Variants in PDE4DIP observed in about 807,000 individuals in gnomAD.
PDE4DIP encodes the protein myomegalin.
Under a neutral mutation model 221.4 loss-of-function variants are expected in PDE4DIP, and 59 were observed. The observed-to-expected ratio is 0.27, with a 90% confidence interval of 0.22 to 0.33. The LOEUF (loss-of-function observed/expected upper bound fraction) is 0.33, where lower values mean the gene tolerates loss of function less well. Ranked by LOEUF, PDE4DIP falls within the 10% of genes least tolerant of loss-of-function variation. PDE4DIP has a pLI of 1.00. For missense variants in PDE4DIP, 1,036 were observed against 2,154.2 expected (o/e 0.48, Z 10.28); for synonymous variants, 404 against 815.9 (o/e 0.50, Z 8.60).
At chr1:149,031,974 C>T (rs143359447) in exon 44 of PDE4DIP, 1 of 1,609,978 alleles carries the variant, frequency 6.2e-7, no homozygotes. Flanking sequence ...GCCATGTACT[C>T]CAGCCTTGTG....
intron 21 of PDE4DIP, chr1:148,985,161 C>T (rs2061698964): frequency 6.6e-6 from 1 of 152,130 alleles, no homozygotes; most frequent in South Asian, 2.1e-4. Flanking sequence ...AGTATTTTCT[C>T]TGAGTTCTCT....
At chr1:149,010,372 G>A in intron 30 of PDE4DIP, 71 bp from the exon 34 acceptor site, 1 of 1,419,792 alleles carries the variant, frequency 7.0e-7, no homozygotes, top group African/African-American at 1.4e-5. Flanking sequence ...GTACCCCTGG[G>A]TAAACATAAG....
chr1:148,964,388 G>A (rs140139148), intron 9 of PDE4DIP, among the ~76,000 whole-genome samples: 6 of 152,158 alleles, frequency 3.9e-5, no homozygotes, highest in African/African-American at 7.2e-5. Context: ...GATTACAGGC[G>A]TGAGCCACCA....
intron 1 of PDE4DIP, among the ~76,000 whole-genome samples, chr1:148,912,162 A>T (rs1294608076): frequency 6.9e-6 from 1 of 145,416 alleles, no homozygotes; most frequent in East Asian, 1.9e-4. Flanking sequence ...CCAGTGCAGG[A>T]AGATTTGTTT....
chr1:148,924,113 A>G lies in PDE4DIP; in HGVS notation c.142-5084A>G, dbSNP rs587603619. Among the ~76,000 whole-genome samples, 4 of 152,314 alleles carry G rather than the reference A, an allele frequency of 2.6e-5. No individual in the cohort carries two copies. In the East Asian group the frequency reaches 7.7e-4, roughly 29 times the overall value. On this transcript the variant is annotated intron_variant, in intron 1 of 43. Transcript: ENST00000369354. ...GGGTAAATAAGACAGGTGTAGAAATATGAAGCATTTACACGGGATGCCAAT... is the reference window on the plus strand; with the variant it reads ...GGGTAAATAAGACAGGTGTAGAAATGTGAAGCATTTACACGGGATGCCAAT...
At chr1:148,820,751 G>T (rs1553359984) in intron 1 of PDE4DIP, among the ~76,000 whole-genome samples, 1 of 148,580 alleles carries the variant, frequency 6.7e-6, no homozygotes, top group African/African-American at 2.5e-5. Flanking sequence ...CTTTGCCATG[G>T]TTTATAGTCT....
chr1:149,022,014 C>T (rs1553620091), intron 37 of PDE4DIP, among the ~76,000 whole-genome samples: 3 of 148,930 alleles, frequency 2.0e-5, no homozygotes, highest in Non-Finnish European at 4.4e-5. Context: ...AAGCAAAATC[C>T]TGAGCTTGAT....
intron 32 of PDE4DIP, among the ~76,000 whole-genome samples, chr1:149,014,739 T>C (rs113571888): frequency 0.13 from 17,331 of 138,064 alleles, 773 homozygotes; most frequent in Middle Eastern, 0.17. Flanking sequence ...ATTGTTTGCT[T>C]TGAGCCAAGT....
chr1:148,982,525 G>A (rs1411476780), intron 21 of PDE4DIP: 2 of 152,216 alleles, frequency 1.3e-5, no homozygotes, highest in African/African-American at 2.4e-5. Context: ...GTGGCAGCGT[G>A]ACAGGTATAA....
chr1:149,032,393 C>A, exon 44 of PDE4DIP: 1 of 473,234 alleles, frequency 2.1e-6, no homozygotes, highest in Non-Finnish European at 3.9e-6. Context: ...ATGAAAGGGG[C>A]ACGTGGTCCC....
intron 3 of PDE4DIP, among the ~76,000 whole-genome samples, chr1:148,884,376 T>C (rs1288511713): frequency 7.9e-5 from 6 of 76,324 alleles, no homozygotes; most frequent in Non-Finnish European, 1.6e-4. Context: ...GCTCAACTCA[T>C]CCTTTGAGAC....
chr1:148,947,615 GA>G, intron 5 of PDE4DIP, among the ~76,000 whole-genome samples: 1 of 152,198 alleles, frequency 6.6e-6, no homozygotes, highest in Non-Finnish European at 1.5e-5. Context: ...GTAGGTCTTA[GA>G]AACACTACAA....
chr1:148,962,604 T>G (rs1553513273), exon 9 of PDE4DIP: 1 of 590,384 alleles, frequency 1.7e-6, no homozygotes, highest in Admixed American at 3.2e-5. Flanking sequence ...CACACGAGAG[T>G]GAACAGCAGA....
Position 149,000,329 on chromosome 1 carries a change from C to T in PDE4DIP, c.3138-1262C>T, listed in dbSNP as rs1287903223. Among the ~76,000 whole-genome samples, 19 of 152,230 alleles carry T rather than the reference C, an allele frequency of 1.2e-4. No homozygotes were observed. In the South Asian group the frequency reaches 1.9e-3, roughly 15 times the overall value. ...CAACACTTTGGGAGGCCAAGGCAGG[C>T]GGATCACCTGAGGTCAGGAGTTCGA... On this transcript the variant is annotated intron_variant, in intron 23 of 43. Transcript: ENST00000369354.
rs781959819 is a variant in PDE4DIP at position 148,953,167 on chromosome 1, C to G, written c.637-7487C>G. 5 of 1,614,034 alleles carry G rather than the reference C, an allele frequency of 3.1e-6. No homozygotes were observed. The South Asian group carries it at 4.4e-5, about 14-fold the overall frequency. The stretch of plus-strand genomic sequence containing the variant: ...CCGATGCGAGATACTCTGCACTGCT[C>G]CAGGAGGACTTCGCCTATTCAGGGT... On this transcript the variant is annotated intron_variant, in intron 5 of 43. Coordinates refer to ENST00000369354, the Ensembl canonical transcript of PDE4DIP.
In PDE4DIP at chr1:148,929,181, C is replaced by T. The variant is rs1345892070; in HGVS notation, c.142-16C>T. 1.2e-6 allele frequency: 2 copies of T among 1,612,980 alleles called. No homozygotes were observed. Among genetic ancestry groups the T allele is most frequent in the African/African-American group, 1.3e-5 (1 of 74,806 alleles). ...CTGTGGCAGTTAATAACGATTAATG[C>T]CTGTGTGTTTTTCAGAACATTGAGC... On this transcript the variant is annotated splice_polypyrimidine_tract_variant and intron_variant, in intron 1 of 43. Transcript: ENST00000369354.
chr1:149,023,731 T>C (rs1208656704), intron 37 of PDE4DIP, among the ~76,000 whole-genome samples: 8 of 96,232 alleles, frequency 8.3e-5, no homozygotes, highest in Non-Finnish European at 1.1e-4. Flanking sequence ...TGCACATATA[T>C]ATGTACATGT....
chr1:148,898,171 AG>A (rs1553444001), intron 1 of PDE4DIP, among the ~76,000 whole-genome samples: 1 of 98,144 alleles, frequency 1.0e-5, no homozygotes, highest in East Asian at 4.6e-4. Flanking sequence ...TGATAGAAGT[AG>A]CATGTTACAC....
At chr1:149,029,726 C>G (rs2076154595) in intron 41 of PDE4DIP, 61 bp from the exon 45 acceptor site, 7 of 812,102 alleles carry the variant, frequency 8.6e-6, no homozygotes, top group Non-Finnish European at 1.4e-5. Flanking sequence ...GAAAGAGCCA[C>G]AAAGCACAGG....
Sources: gnomAD v4.1 joint callset for allele counts (sites outside exome capture counted in the v4.1 genomes callset) on GRCh38, gnomAD v4.1.1 for gene constraint, MANE v1.5 for transcripts, NCBI Gene and HGNC (gene_info 2026-07-23, HGNC 2026-07-21) for gene names.